The following DOCK4 variants were observed in gnomAD, a reference collection of about 807,000 sequenced individuals.
The protein encoded by DOCK4 is dedicator of cytokinesis protein 4.
A neutral mutation model predicts 268.1 loss-of-function variants in DOCK4; 97 were observed. The ratio of observed to expected loss-of-function variants is 0.36; its 90% CI spans 0.31 to 0.43. The LOEUF (loss-of-function observed/expected upper bound fraction) is 0.43. Ranked by LOEUF, DOCK4 falls within the 20% of genes least tolerant of loss-of-function variation. The probability of loss-of-function intolerance (pLI) is 1.00; values close to 1 mark genes in which losing one functional copy is unlikely to be tolerated. For missense variants in DOCK4, 2,145 were observed against 2,455.7 expected (o/e 0.87, Z 2.67); for synonymous variants, 954 against 887.2 (o/e 1.08, Z -1.34).
intron 37 of DOCK4, among the ~76,000 whole-genome samples, chr7:111,768,549 A>C (rs897438537): frequency 6.6e-6 from 1 of 152,178 alleles, no homozygotes; most frequent in Non-Finnish European, 1.5e-5. Context: ...AAAGCATCCA[A>C]GTGTTCAAAT....
intron 1 of DOCK4, among the ~76,000 whole-genome samples, chr7:112,055,939 G>A (rs889765844): frequency 4.0e-5 from 6 of 151,776 alleles, no homozygotes; most frequent in Admixed American, 2.6e-4. Flanking sequence ...CCTAAAGAAA[G>A]GGAAGAAATG....
chr7:112,041,007 T>C lies in DOCK4; in HGVS notation c.38-36876A>G, dbSNP rs184913966. On this transcript the variant is annotated intron_variant, in intron 1 of 52. Coordinates refer to ENST00000428084, the MANE Select transcript of DOCK4 (RefSeq NM_001363540.2). ...ATTTTTTTTTTACGTTTTTGACAAA[T>C]GATCAAATATAATTTTTTGGTAAGA... 3.3e-3 allele frequency among the ~76,000 whole-genome samples: 507 copies of C among 152,250 alleles called. 4 individuals carry two copies. The highest frequency in any genetic ancestry group is 0.012 in the African/African-American group (479 of 41,562).
intron 1 of DOCK4, among the ~76,000 whole-genome samples, chr7:112,024,967 T>C (rs1305078955): frequency 5.3e-5 from 8 of 152,204 alleles, no homozygotes; most frequent in African/African-American, 1.9e-4. Flanking sequence ...TCTCATTATT[T>C]CATGCTACTA....
At position 111,738,661 on chromosome 7, in the gene DOCK4, G is replaced by C. The variant is rs997624225; in HGVS notation, c.5232+473C>G. On this transcript the variant is annotated intron_variant, in intron 49 of 52. Transcript: ENST00000428084. ...CTATCAGAAATATGGCTCAGGGCCG[G>C]GAGTGGTGGCTCATGCCTGTAATCC... 7.2e-5 allele frequency among the ~76,000 whole-genome samples: 11 copies of C among 152,234 alleles called. 1 individual carries two copies. The South Asian group carries it at 2.3e-3, about 31-fold the overall frequency.
At chr7:111,753,574 GGT>G (rs1796832261) in intron 42 of DOCK4, among the ~76,000 whole-genome samples, 1 of 152,138 alleles carries the variant, frequency 6.6e-6, no homozygotes, top group Admixed American at 6.5e-5. Context: ...GAAAAGGTTG[GGT>G]GTATTATTAG....
At chr7:111,924,026 C>T (rs544492232) in intron 12 of DOCK4, among the ~76,000 whole-genome samples, 1 of 152,126 alleles carries the variant, frequency 6.6e-6, no homozygotes, top group African/African-American at 2.4e-5. Context: ...TATACCAGTG[C>T]CTTGAGTAAC....
In DOCK4 at chr7:112,124,835, C is replaced by T. The variant is rs76060826; in HGVS notation, c.37+81267G>A. ...TTACTGATACATTTCATATATAATT[C>T]GTTTTTTTAACCACCTTCCTAACAA... On this transcript the variant is annotated intron_variant, in intron 1 of 52. Transcript: ENST00000428084. Among the ~76,000 whole-genome samples, 23 of 152,252 alleles carry T rather than the reference C, an allele frequency of 1.5e-4. No individual in the cohort carries two copies. In the East Asian group the frequency reaches 1.7e-3, roughly 11 times the overall value.
intron 1 of DOCK4, among the ~76,000 whole-genome samples, chr7:112,030,969 G>A (rs1231404427): frequency 6.6e-6 from 1 of 152,236 alleles, no homozygotes. Flanking sequence ...ACTGGTCCAT[G>A]TTCTCTCGTG....
At chr7:112,067,261 T>C (rs1454891721) in intron 1 of DOCK4, among the ~76,000 whole-genome samples, 3 of 137,124 alleles carry the variant, frequency 2.2e-5, no homozygotes, top group Admixed American at 7.3e-5. Flanking sequence ...AAAAAAAAGA[T>C]GGTTCCTACT....
chr7:111,800,461 T>C (rs910182999), intron 30 of DOCK4, among the ~76,000 whole-genome samples: 15 of 152,200 alleles, frequency 9.9e-5, no homozygotes, highest in South Asian at 2.1e-4. Context: ...GGGGGAAATA[T>C]ATGCTTTTCC....
At chr7:111,763,568 A>AT (rs2133619259) in intron 39 of DOCK4, among the ~76,000 whole-genome samples, 1 of 152,276 alleles carries the variant, frequency 6.6e-6, no homozygotes, top group East Asian at 1.9e-4. Flanking sequence ...ACTACTTCTA[A>AT]TTTTTTAAAA....
At position 111,732,269 on chromosome 7, in the gene DOCK4, G is replaced by T. The variant is rs201119594; in HGVS notation, c.5438C>A (p.Thr1813Lys). ...PTQTASPARH[T>K]TSVSPSPAGR... ...GGCAGGCGAGGGGGATACTGATGTC[G>T]TGTGTCTTGCTGGTGAAGCTGTCAA... Residue 1813 changes from threonine (T) to lysine (K), a missense_variant, in exon 52 of 53, where the codon ACG becomes AAG. Thr to Lys is a moderately conservative substitution (Grantham distance 78). Transcript: ENST00000428084. The T allele has an allele frequency of 2.5e-6, 4 of 1,614,000 alleles. No homozygotes were observed. The highest frequency in any genetic ancestry group is 2.2e-5 in the South Asian group (2 of 91,074).
intron 24 of DOCK4, among the ~76,000 whole-genome samples, chr7:111,845,993 A>G (rs1192182252): frequency 6.6e-6 from 1 of 152,126 alleles, no homozygotes; most frequent in Non-Finnish European, 1.5e-5. Context: ...GGCCTGGATC[A>G]TGGGGGTGGG....
chr7:111,876,088 G>A (rs940864255), intron 17 of DOCK4, among the ~76,000 whole-genome samples: 2 of 152,146 alleles, frequency 1.3e-5, no homozygotes, highest in East Asian at 1.9e-4. Context: ...TTGAGGTTTG[G>A]TAAATGCTTT....
At chr7:111,768,154 A>G (rs564083494) in intron 37 of DOCK4, among the ~76,000 whole-genome samples, 1 of 152,132 alleles carries the variant, frequency 6.6e-6, no homozygotes, top group Non-Finnish European at 1.5e-5. Flanking sequence ...AAAAACGTAA[A>G]AGAGATTTGT....
chr7:112,039,001 G>A lies in DOCK4; in HGVS notation c.38-34870C>T, dbSNP rs115903112. Among the ~76,000 whole-genome samples the A allele has an allele frequency of 4.9e-3, 744 of 152,302 alleles. 8 individuals carry two copies. The highest frequency in any genetic ancestry group is 0.016 in the African/African-American group (670 of 41,568). ...TTTATGCTGCTCCTTTGCTTCTGAA[G>A]AGGTAGTCTAGTTTTTTCACAGTAC... is the stretch of plus-strand genomic sequence containing the variant. On this transcript the variant is annotated intron_variant, in intron 1 of 52. Transcript: ENST00000428084.
At chr7:111,734,066 T>G (rs750147734) in intron 51 of DOCK4, among the ~76,000 whole-genome samples, 2 of 151,974 alleles carry the variant, frequency 1.3e-5, no homozygotes, top group Non-Finnish European at 2.9e-5. Context: ...GCCTCCCAAC[T>G]AGCTAGGACT....
chr7:111,987,680 A>G (rs1423345411), intron 6 of DOCK4, among the ~76,000 whole-genome samples: 2 of 152,180 alleles, frequency 1.3e-5, no homozygotes, highest in African/African-American at 2.4e-5. Flanking sequence ...TGGAGCTGAA[A>G]GCGCCCTTGT....
intron 27 of DOCK4, chr7:111,820,483 C>T (rs1381666929): frequency 6.6e-6 from 1 of 152,196 alleles, no homozygotes; most frequent in Admixed American, 6.5e-5. Flanking sequence ...AAATCATCTT[C>T]CTATTTGGTT....
Sources: gnomAD v4.1 joint callset for allele counts (sites outside exome capture counted in the v4.1 genomes callset) on GRCh38, gnomAD v4.1.1 for gene constraint, MANE v1.5 for transcripts, NCBI Gene and HGNC (gene_info 2026-07-23, HGNC 2026-07-21) for gene names.